Variants in GPC3 observed in about 807,000 individuals in gnomAD.
GPC3 encodes the protein glypican 3.
Under a neutral mutation model 34.4 loss-of-function variants are expected in GPC3, and 3 were observed. The ratio of observed to expected loss-of-function variants is 0.09; its 90% confidence interval spans 0.04 to 0.23. GPC3 has a LOEUF of 0.23. Ranked by LOEUF, GPC3 falls within the 10% of genes least tolerant of loss-of-function variation. The probability of loss-of-function intolerance (pLI) is 1.00; values close to 1 mark genes in which losing one functional copy is unlikely to be tolerated. For missense variants in GPC3, 351 were observed against 445.6 expected, an observed-to-expected ratio of 0.79 and a Z score of 1.91; for synonymous variants, 177 against 174.0, an observed-to-expected ratio of 1.02 and a Z score of -0.13.
chrX:133,803,407 T>C (rs111894237), intron 2 of GPC3, among the ~76,000 whole-genome samples: 1,616 of 112,343 alleles, frequency 0.014, 42 homozygotes, highest in African/African-American at 0.05. Context: ...TCCAGGCTTA[T>C]AGATCATCTG....
intron 2 of GPC3, among the ~76,000 whole-genome samples, chrX:133,792,985 G>C (rs1233894498): frequency 3.6e-5 from 4 of 110,640 alleles, no homozygotes; most frequent in African/African-American, 1.3e-4. Flanking sequence ...TCGTCCTTTT[G>C]ATGTATTCTC....
At chrX:133,850,940 CAAA>C (rs10710959) in intron 2 of GPC3, among the ~76,000 whole-genome samples, 1 of 95,162 alleles carries the variant, frequency 1.1e-5, no homozygotes, top group African/African-American at 3.7e-5. Context: ...ACTAAAAATA[CAAA>C]AAAAAAAAAA....
At chrX:133,856,993 C>T (rs2075905543) in intron 2 of GPC3, among the ~76,000 whole-genome samples, 3 of 111,842 alleles carry the variant, frequency 2.7e-5, no homozygotes, top group Admixed American at 9.5e-5. Flanking sequence ...AGGCTTTGAA[C>T]TCAGGAAAGA....
intron 6 of GPC3, among the ~76,000 whole-genome samples, chrX:133,602,437 A>T (rs1011635252): frequency 9.0e-6 from 1 of 110,888 alleles, no homozygotes; most frequent in African/African-American, 3.3e-5. Flanking sequence ...TAGGAATGGG[A>T]GCCCTATTAT....
intron 7 of GPC3, among the ~76,000 whole-genome samples, chrX:133,550,768 A>T (rs2069427051): frequency 8.9e-6 from 1 of 112,136 alleles, no homozygotes; most frequent in African/African-American, 3.2e-5. Flanking sequence ...CCACTGATCC[A>T]TGAAGTCAAG....
At chrX:133,975,185 T>G (rs113157736) in intron 1 of GPC3, among the ~76,000 whole-genome samples, 1 of 111,845 alleles carries the variant, frequency 8.9e-6, no homozygotes, top group Non-Finnish European at 1.9e-5. Flanking sequence ...TAAAACTCCC[T>G]GCCACCGCTC....
rs144178051 is a variant in GPC3, at chrX:133,844,316, G to C, written c.338-90140C>G. Among the ~76,000 whole-genome samples, 188 of 112,502 alleles carry C rather than the reference G, an allele frequency of 1.7e-3. 1 individual carries two copies. Among genetic ancestry groups the C allele is most frequent in the Middle Eastern group, 0.014 (3 of 216 alleles). ...ACACACACACAAACGGTAACTAGGT[G>C]AGGTGATTGTTGTGTTAATTAGCTT... On this transcript the variant is annotated intron_variant, in intron 2 of 7. Coordinates refer to ENST00000370818, the MANE Select transcript of GPC3 (RefSeq NM_004484.4).
intron 3 of GPC3, among the ~76,000 whole-genome samples, chrX:133,727,763 ATGTTTCTTAGGCAATCAAATGT>A (rs1304276088): frequency 1.8e-5 from 2 of 111,803 alleles, no homozygotes; most frequent in Non-Finnish European, 3.8e-5. Context: ...CTGGGTTCCA[ATGTTTCTTAGGCAATCAAATGT>A]TATAACTACT....
chrX:133,859,693 T>C (rs1243199091), intron 2 of GPC3, among the ~76,000 whole-genome samples: 1 of 112,444 alleles, frequency 8.9e-6, no homozygotes, highest in Non-Finnish European at 1.9e-5. Context: ...GGATTTTGAG[T>C]TTGCAAAGCA....
intron 2 of GPC3, among the ~76,000 whole-genome samples, chrX:133,824,805 C>A (rs775377411): frequency 8.9e-6 from 1 of 112,312 alleles, no homozygotes; most frequent in Non-Finnish European, 1.9e-5. Context: ...AAAAAAATTG[C>A]TCTCCATAAA....
intron 4 of GPC3, among the ~76,000 whole-genome samples, chrX:133,692,812 G>A (rs1423663339): frequency 8.9e-6 from 1 of 112,027 alleles, no homozygotes; most frequent in Non-Finnish European, 1.9e-5. Flanking sequence ...TTTCAAAGGT[G>A]CTGATTACAA....
At chrX:133,965,545 G>C (rs1298294364) in intron 1 of GPC3, among the ~76,000 whole-genome samples, 1 of 111,548 alleles carries the variant, frequency 9.0e-6, no homozygotes, top group Non-Finnish European at 1.9e-5. Flanking sequence ...GGCGAGGAAT[G>C]ATTCTCTCTG....
At chrX:133,736,268 A>AT (rs2071510580) in intron 3 of GPC3, among the ~76,000 whole-genome samples, 1 of 112,070 alleles carries the variant, frequency 8.9e-6, no homozygotes, top group Non-Finnish European at 1.9e-5. Flanking sequence ...GAACCCTCAC[A>AT]TTGTTGGTGG....
intron 6 of GPC3, among the ~76,000 whole-genome samples, chrX:133,634,954 A>G (rs1029368686): frequency 9.0e-6 from 1 of 111,635 alleles, no homozygotes; most frequent in African/African-American, 3.3e-5. Flanking sequence ...GTAAAAACCC[A>G]GTAGAAAGCT....
intron 5 of GPC3, among the ~76,000 whole-genome samples, chrX:133,679,779 C>T (rs1488483109): frequency 1.8e-5 from 2 of 111,246 alleles, no homozygotes; most frequent in African/African-American, 6.5e-5. Flanking sequence ...CTCACCCTCT[C>T]GGATAATTGA....
chrX:133,770,020 A>G (rs778567962), intron 2 of GPC3, among the ~76,000 whole-genome samples: 4 of 112,423 alleles, frequency 3.6e-5, no homozygotes, highest in Non-Finnish European at 5.6e-5. Context: ...CAGGCCAGTA[A>G]TCCCAGCACT....
chrX:133,805,826 A>G (rs1297199060), intron 2 of GPC3, among the ~76,000 whole-genome samples: 1 of 112,131 alleles, frequency 8.9e-6, no homozygotes, highest in African/African-American at 3.2e-5. Flanking sequence ...TATCATCATC[A>G]TCGTCAAGTA....
chrX:133,902,615 T>C (rs1300026411), intron 2 of GPC3, among the ~76,000 whole-genome samples: 1 of 111,295 alleles, frequency 9.0e-6, no homozygotes, highest in African/African-American at 3.3e-5. Flanking sequence ...CCCAGCTACT[T>C]GGGAGGCTAA....
intron 1 of GPC3, among the ~76,000 whole-genome samples, chrX:133,955,972 T>C (rs761895790): frequency 3.5e-4 from 39 of 112,131 alleles, no homozygotes; most frequent in Non-Finnish European, 6.8e-4. Flanking sequence ...TTAACTTATG[T>C]GTCCAGATTT....
Sources: gnomAD v4.1 joint callset for allele counts (sites outside exome capture counted in the v4.1 genomes callset) on GRCh38, gnomAD v4.1.1 for gene constraint, MANE v1.5 for transcripts, NCBI Gene and HGNC (gene_info 2026-07-23, HGNC 2026-07-21) for gene names.